Variants in PTPRD observed in about 807,000 individuals in gnomAD.
PTPRD encodes protein tyrosine phosphatase receptor type D.
A neutral mutation model predicts 214.5 loss-of-function variants in PTPRD; 34 were observed. The ratio of observed to expected loss-of-function variants is 0.16; its 90% CI spans 0.12 to 0.21. The LOEUF (loss-of-function observed/expected upper bound fraction) is 0.21, where lower values mean the gene tolerates loss of function less well. Ranked by LOEUF, PTPRD falls within the 10% of genes least tolerant of loss-of-function variation. The pLI is 1.00. For missense variants in PTPRD, 2,545 were observed against 2,398.7 expected, an observed-to-expected ratio of 1.06 and a Z score of -1.27; for synonymous variants, 1,128 against 845.7, an observed-to-expected ratio of 1.33 and a Z score of -5.79.
chr9:8,679,704 G>C (rs1452601080), intron 12 of PTPRD, among the ~76,000 whole-genome samples: 1 of 152,222 alleles, frequency 6.6e-6, no homozygotes, highest in Admixed American at 6.5e-5. Context: ...TTTCTCCCAA[G>C]AGACATTTGC....
intron 4 of PTPRD, among the ~76,000 whole-genome samples, chr9:9,945,811 C>T (rs1363775822): frequency 6.6e-6 from 1 of 152,022 alleles, no homozygotes; most frequent in African/African-American, 2.4e-5. Context: ...ATCCAATAGA[C>T]CATGTTCTCT....
chr9:8,340,122 C>T (rs1431854963), intron 42 of PTPRD, among the ~76,000 whole-genome samples: 1 of 152,144 alleles, frequency 6.6e-6, no homozygotes, highest in Non-Finnish European at 1.5e-5. Flanking sequence ...TTGTGCTTCA[C>T]TGGAAACAAA....
chr9:10,130,124 A>G (rs1326088948), intron 3 of PTPRD, among the ~76,000 whole-genome samples: 1 of 151,712 alleles, frequency 6.6e-6, no homozygotes, highest in East Asian at 1.9e-4. Context: ...GTATAAATGT[A>G]AACTTTTTAG....
chr9:10,074,371 C>T (rs935374697), intron 3 of PTPRD, among the ~76,000 whole-genome samples: 3 of 152,088 alleles, frequency 2.0e-5, no homozygotes, highest in Admixed American at 2.0e-4. Context: ...TCTAGAAACA[C>T]AGAAATAAAA....
At chr9:8,989,428 G>C (rs902834518) in intron 11 of PTPRD, among the ~76,000 whole-genome samples, 7 of 152,008 alleles carry the variant, frequency 4.6e-5, no homozygotes, top group South Asian at 2.1e-4. Context: ...ATCTATTTTA[G>C]CTCCCACATA....
intron 9 of PTPRD, among the ~76,000 whole-genome samples, chr9:9,292,920 C>T (rs750047336): frequency 6.6e-6 from 1 of 151,370 alleles, no homozygotes; most frequent in African/African-American, 2.4e-5. Flanking sequence ...AAGTAAAGGG[C>T]CATTCTAATC....
intron 9 of PTPRD, among the ~76,000 whole-genome samples, chr9:9,227,845 GC>G (rs2099960537): frequency 6.6e-6 from 1 of 152,120 alleles, no homozygotes; most frequent in Admixed American, 6.6e-5. Flanking sequence ...TGTAGCCCAA[GC>G]TGAAACTTGA....
intron 14 of PTPRD, among the ~76,000 whole-genome samples, chr9:8,606,458 C>T (rs558744485): frequency 2.6e-5 from 4 of 152,222 alleles, no homozygotes; most frequent in African/African-American, 7.2e-5. Flanking sequence ...CAGAGACATA[C>T]GTTTCCTATG....
chr9:8,513,656 T>C (rs967749527), intron 21 of PTPRD, among the ~76,000 whole-genome samples: 1 of 152,118 alleles, frequency 6.6e-6, no homozygotes, highest in Non-Finnish European at 1.5e-5. Flanking sequence ...TTATATCTCA[T>C]AATGGTTATC....
intron 2 of PTPRD, among the ~76,000 whole-genome samples, chr9:10,452,194 T>A (rs1228804721): frequency 6.6e-6 from 1 of 151,926 alleles, no homozygotes; most frequent in South Asian, 2.1e-4. Context: ...TGTGTATATA[T>A]ATGGCACATT....
intron 3 of PTPRD, among the ~76,000 whole-genome samples, chr9:10,231,926 A>T (rs962053495): frequency 6.7e-6 from 1 of 148,224 alleles, no homozygotes; most frequent in African/African-American, 2.5e-5. Flanking sequence ...GCACTCTCCC[A>T]AGACTGTATT....
At chr9:9,944,057 G>C (rs898691676) in intron 4 of PTPRD, among the ~76,000 whole-genome samples, 8 of 152,042 alleles carry the variant, frequency 5.3e-5, no homozygotes, top group Non-Finnish European at 1.0e-4. Flanking sequence ...TTTTAAATGA[G>C]CCCAACGACT....
chr9:10,363,785 G>A (rs1243813828), intron 2 of PTPRD, among the ~76,000 whole-genome samples: 2 of 151,886 alleles, frequency 1.3e-5, no homozygotes, highest in Non-Finnish European at 2.9e-5. Context: ...GCAATGAAAA[G>A]GTCAGGCTTG....
At chr9:9,830,410 G>A (rs2054433026) in intron 5 of PTPRD, among the ~76,000 whole-genome samples, 1 of 151,788 alleles carries the variant, frequency 6.6e-6, no homozygotes, top group African/African-American at 2.4e-5. Flanking sequence ...ATGGGGTGAA[G>A]GGAAGCAGCT....
chr9:10,492,764 T>A (rs1396886216), intron 2 of PTPRD, among the ~76,000 whole-genome samples: 1 of 152,130 alleles, frequency 6.6e-6, no homozygotes, highest in Non-Finnish European at 1.5e-5. Context: ...TTGCTTTTGG[T>A]GTTATTCATG....
At chr9:8,385,999 G>T (rs1039247757) in intron 37 of PTPRD, among the ~76,000 whole-genome samples, 1 of 152,172 alleles carries the variant, frequency 6.6e-6, no homozygotes, top group Non-Finnish European at 1.5e-5. Flanking sequence ...GAATTATTTG[G>T]AGGCTATCTT....
At chr9:10,060,776 T>TTTTCTCTTTC (rs1555530999) in intron 3 of PTPRD, among the ~76,000 whole-genome samples, 11 of 132,180 alleles carry the variant, frequency 8.3e-5, no homozygotes, top group African/African-American at 3.6e-4. Flanking sequence ...CAGGTCTTGC[T>TTTTCTCTTTC]TTTCTTTCTT....
chr9:9,549,256 A>C (rs2079596302), intron 8 of PTPRD, among the ~76,000 whole-genome samples: 1 of 152,030 alleles, frequency 6.6e-6, no homozygotes, highest in Admixed American at 6.6e-5. Context: ...ATATGTGTAT[A>C]ATGTATATAT....
chr9:10,355,957 G>C (rs1228834196), intron 2 of PTPRD, among the ~76,000 whole-genome samples: 3 of 152,060 alleles, frequency 2.0e-5, no homozygotes, highest in Admixed American at 1.3e-4. Context: ...GTATTAGAGA[G>C]TACACTGAGA....
Sources: allele counts gnomAD v4.1 joint callset (sites outside exome capture counted in the v4.1 genomes callset), GRCh38; gene constraint gnomAD v4.1.1; transcripts MANE v1.5; gene names NCBI Gene and HGNC (gene_info 2026-07-23, HGNC 2026-07-21).